Variants in CTNNA1 observed in about 807,000 individuals in gnomAD.
The protein encoded by CTNNA1 is catenin alpha-1.
Under a neutral mutation model 98.4 loss-of-function variants are expected in CTNNA1, and 37 were observed. That is an observed-to-expected ratio of 0.38 (90% CI 0.29 to 0.49). The LOEUF (loss-of-function observed/expected upper bound fraction) is 0.49. CTNNA1 is among the 20% of genes least tolerant of loss of function. The probability of loss-of-function intolerance (pLI) is 0.95; values close to 1 mark genes in which losing one functional copy is unlikely to be tolerated. For synonymous variants in CTNNA1, 404 were observed against 413.2 expected, an observed-to-expected ratio of 0.98 and a Z score of 0.27; for missense variants, 761 against 1,147.2, an observed-to-expected ratio of 0.66 and a Z score of 4.86.
chr5:138,852,668 T>C (rs1225113108), intron 7 of CTNNA1, among the ~76,000 whole-genome samples: 1 of 152,148 alleles, frequency 6.6e-6, no homozygotes, highest in Non-Finnish European at 1.5e-5. Context: ...CATACACACA[T>C]GCCTTTTCCA....
At chr5:138,805,081 T>G (rs934640518) in intron 3 of CTNNA1, among the ~76,000 whole-genome samples, 3 of 151,982 alleles carry the variant, frequency 2.0e-5, no homozygotes, top group African/African-American at 7.3e-5. Context: ...GGGAGAGGTG[T>G]CACACACCTT....
intron 1 of CTNNA1, among the ~76,000 whole-genome samples, chr5:138,773,816 A>G (rs921225040): frequency 4.0e-5 from 6 of 151,314 alleles, no homozygotes; most frequent in African/African-American, 1.5e-4. Context: ...GGCTGAAGCG[A>G]TCCTCCTGCC....
chr5:138,794,763 CAT>C (rs757231871), intron 3 of CTNNA1, among the ~76,000 whole-genome samples: 3 of 152,260 alleles, frequency 2.0e-5, no homozygotes, highest in East Asian at 3.9e-4. Flanking sequence ...GGGTAGGAAA[CAT>C]ATATTAACTT....
chr5:138,841,329 G>A (rs1026801392), intron 7 of CTNNA1, among the ~76,000 whole-genome samples: 1 of 151,688 alleles, frequency 6.6e-6, no homozygotes, highest in Non-Finnish European at 1.5e-5. Context: ...GTGTGATCTC[G>A]GCTGACTGCA....
chr5:138,765,284 G>A (rs985877341), intron 1 of CTNNA1, among the ~76,000 whole-genome samples: 16 of 151,334 alleles, frequency 1.1e-4, no homozygotes, highest in African/African-American at 3.9e-4. Context: ...CAGGTGATCC[G>A]CCCGCCTCGG....
intron 7 of CTNNA1, among the ~76,000 whole-genome samples, chr5:138,864,876 G>A (rs28745577): frequency 0.014 from 2,119 of 152,102 alleles, 18 homozygotes; most frequent in Non-Finnish European, 0.019. Context: ...GTGCAGTGGC[G>A]CGATCTCGGC....
chr5:138,849,081 C>G (rs970976192), intron 7 of CTNNA1, among the ~76,000 whole-genome samples: 5 of 152,118 alleles, frequency 3.3e-5, no homozygotes, highest in Admixed American at 3.3e-4. Context: ...TGGCTCTGAT[C>G]GTCAGTGTTC....
intron 11 of CTNNA1, among the ~76,000 whole-genome samples, chr5:138,923,754 C>T (rs10054682): frequency 0.26 from 39,390 of 152,076 alleles, 5,373 homozygotes; most frequent in Middle Eastern, 0.32. Flanking sequence ...CAGATGAGTT[C>T]GAGCAAACCC....
In CTNNA1 at chr5:138,812,269, T is replaced by C. The variant is rs753657419; in HGVS notation, c.555T>C (p.Asp185=). The change falls in exon 5 of 18, where the codon GAT becomes GAC. Residue 185 remains aspartate (D), a synonymous_variant. Transcript: ENST00000302763. ...ATAAAGCCCTAAAACCTGAAGTGGA[T>C]AAGCTGAACATTATGGCAGCCAAAA... ...IQYKALKPEV[D]KLNIMAAKRQ... is the part of the protein sequence containing the mutation. The C allele has an allele frequency of 1.2e-6, 2 of 1,613,898 alleles. No individual in the cohort carries two copies. The highest frequency in any genetic ancestry group is 1.7e-6 in the Non-Finnish European group (2 of 1,179,916).
At chr5:138,831,936 C>G (rs1416166714) in intron 7 of CTNNA1, among the ~76,000 whole-genome samples, 2 of 152,098 alleles carry the variant, frequency 1.3e-5, no homozygotes, top group Non-Finnish European at 2.9e-5. Flanking sequence ...GTGGAAAAAA[C>G]CAAAGACCTT....
intron 7 of CTNNA1, among the ~76,000 whole-genome samples, chr5:138,882,218 T>C (rs1190392051): frequency 6.6e-6 from 1 of 152,110 alleles, no homozygotes; most frequent in African/African-American, 2.4e-5. Context: ...AGGGCTGAGG[T>C]TGGCTAGCAG....
chr5:138,789,832 T>G (rs1036143161), intron 3 of CTNNA1, among the ~76,000 whole-genome samples: 1 of 152,172 alleles, frequency 6.6e-6, no homozygotes, highest in African/African-American at 2.4e-5. Flanking sequence ...ATGGTTCAGG[T>G]CCCATATGCT....
chr5:138,806,375 C>G (rs1227176931), intron 3 of CTNNA1, among the ~76,000 whole-genome samples: 1 of 150,078 alleles, frequency 6.7e-6, no homozygotes, highest in Non-Finnish European at 1.5e-5. Context: ...TTTTCTAAAT[C>G]TTTCCCAACT....
intron 1 of CTNNA1, among the ~76,000 whole-genome samples, chr5:138,771,917 CT>C (rs1473468161): frequency 1.3e-5 from 2 of 151,528 alleles, no homozygotes; most frequent in East Asian, 3.9e-4. Context: ...ATTAAGTTAA[CT>C]TTGCTGTTAA....
In CTNNA1 at chr5:138,756,606, C is replaced by T. The variant is rs538013197; in HGVS notation, c.-3+3096C>T. 1.2e-4 allele frequency among the ~76,000 whole-genome samples: 18 copies of T among 152,222 alleles called. No individual in the cohort carries two copies. The South Asian group carries it at 1.2e-3, about 11-fold the overall frequency. ...AGAGGTCCTGAGACAGGAAAGACTC[C>T]GTGTGTTTAGAGACTTGAGAGAAGA... On this transcript the variant is annotated intron_variant, in intron 1 of 17. Transcript: ENST00000302763.
intron 7 of CTNNA1, among the ~76,000 whole-genome samples, chr5:138,854,770 A>G (rs947651238): frequency 6.6e-6 from 1 of 152,190 alleles, no homozygotes; most frequent in African/African-American, 2.4e-5. Context: ...TGTTCATTAA[A>G]AAGGGTAATG....
intron 10 of CTNNA1, among the ~76,000 whole-genome samples, chr5:138,914,592 T>C (rs1034377411): frequency 7.2e-5 from 11 of 151,884 alleles, no homozygotes; most frequent in African/African-American, 2.4e-4. Flanking sequence ...CAGTTCTAAG[T>C]ATTAAGGAGG....
intron 7 of CTNNA1, among the ~76,000 whole-genome samples, chr5:138,860,924 G>T (rs770374060): frequency 1.2e-4 from 19 of 152,138 alleles, no homozygotes; most frequent in Non-Finnish European, 2.2e-4. Flanking sequence ...GTGTGCCGAG[G>T]ATGGTATATT....
At chr5:138,775,523 TTGATGACAGTA>T (rs1330425102) in intron 1 of CTNNA1, among the ~76,000 whole-genome samples, 1 of 152,134 alleles carries the variant, frequency 6.6e-6, no homozygotes, top group Admixed American at 6.5e-5. Context: ...GATTCTAGAT[TTGATGACAGTA>T]TAATGACAGT....
Sources: allele counts gnomAD v4.1 joint callset (sites outside exome capture counted in the v4.1 genomes callset), GRCh38; gene constraint gnomAD v4.1.1; transcripts MANE v1.5; gene names NCBI Gene and HGNC (gene_info 2026-07-23, HGNC 2026-07-21).